Variants in GLDN observed in about 807,000 individuals in gnomAD.
GLDN encodes the protein gliomedin.
Under a neutral mutation model 56.5 loss-of-function variants are expected in GLDN, and 47 were observed. The ratio of observed to expected loss-of-function variants is 0.83; its 90% CI spans 0.66 to 1.06. The LOEUF (loss-of-function observed/expected upper bound fraction) is 1.06, where lower values mean the gene tolerates loss of function less well. Ranked by LOEUF, GLDN falls within the 50% of genes least tolerant of loss-of-function variation. GLDN has a pLI of 0.00. For synonymous variants in GLDN, 332 were observed against 278.8 expected (o/e 1.19, Z -1.90); for missense variants, 782 against 714.3 (o/e 1.09, Z -1.08).
At chr15:51,366,071 C>CT (rs1566939651) in intron 1 of GLDN, among the ~76,000 whole-genome samples, 1 of 152,194 alleles carries the variant, frequency 6.6e-6, no homozygotes, top group Admixed American at 6.5e-5. Flanking sequence ...ACAGATGCTT[C>CT]TTTTTTTATG....
In GLDN at chr15:51,394,963, A is replaced by T. The variant is rs1280955092; in HGVS notation, c.670A>T (p.Asn224Tyr). 6.2e-7 allele frequency: 1 copy of T among 1,603,406 alleles called. No individual in the cohort carries two copies. The highest frequency in any genetic ancestry group is 8.5e-7 in the Non-Finnish European group (1 of 1,176,030). The change falls in exon 5 of 10, where the codon AAC becomes TAC. Residue 224 changes from asparagine to tyrosine, a missense_variant. Transcript: ENST00000335449. ...GEKGDKGDVS[N>Y]DVLLAGAKGD... is the part of the protein sequence containing the mutation. ...AAAGGGTGACAAAGGAGATGTGTCC[A>T]ACGACGTGCTCCTGGCAGGTAAGAG...
intron 4 of GLDN, among the ~76,000 whole-genome samples, chr15:51,388,343 A>C (rs1315566120): frequency 6.6e-6 from 1 of 151,950 alleles, no homozygotes; most frequent in Non-Finnish European, 1.5e-5. Flanking sequence ...CTATTGCGCT[A>C]ATGGTGTGAC....
chr15:51,401,812 A>G (rs1049239395), intron 9 of GLDN, 69 bp downstream of exon 9: 4 of 1,417,318 alleles, frequency 2.8e-6, no homozygotes, highest in African/African-American at 2.8e-5. Flanking sequence ...TTTGTGAGCA[A>G]TTAGGGGTAG....
intron 1 of GLDN, among the ~76,000 whole-genome samples, chr15:51,343,183 A>C (rs2445768): frequency 0.3 from 45,657 of 152,136 alleles, 8,814 homozygotes; most frequent in African/African-American, 0.53. Flanking sequence ...CTTTTAAATA[A>C]CTTACATGAG....
In GLDN at chr15:51,407,233, T is replaced by A. The variant is rs538355120; in HGVS notation, c.*2479T>A. ...GAGTTTGATCAGTGTTTAATCGCAG[T>A]GGGTAATCTTATCTGATTGTCTTTA... On this transcript the variant is annotated 3_prime_UTR_variant, in exon 10 of 10. Coordinates refer to ENST00000335449, the MANE Select transcript of GLDN (RefSeq NM_181789.4). 5.9e-4 allele frequency: 90 copies of A among 152,218 alleles called. No homozygotes were observed. Among genetic ancestry groups the A allele is most frequent in the Admixed American group, 2.2e-3 (33 of 15,282 alleles). 9.4% of individuals were successfully genotyped at this position (152,218 alleles called of 1,614,324 possible). A position where few individuals can be genotyped will look rare whatever the true frequency, so the allele number is the denominator to read the frequency against.
chr15:51,344,499 C>T (rs996929716), intron 1 of GLDN, among the ~76,000 whole-genome samples: 2 of 152,102 alleles, frequency 1.3e-5, no homozygotes, highest in Admixed American at 1.3e-4. Context: ...TAAAAAACAT[C>T]ATTTGGTAGC....
At chr15:51,345,504 A>G (rs1166458543) in intron 1 of GLDN, among the ~76,000 whole-genome samples, 1 of 152,374 alleles carries the variant, frequency 6.6e-6, no homozygotes, top group African/African-American at 2.4e-5. Context: ...ATATGATTCC[A>G]TAATAGTCAA....
chr15:51,350,927 G>T (rs2470163), intron 1 of GLDN, among the ~76,000 whole-genome samples: 1 of 152,100 alleles, frequency 6.6e-6, no homozygotes, highest in African/African-American at 2.4e-5. Context: ...CTCTTTCTAT[G>T]CAAAGCAGCA....
chr15:51,397,534 G>GC lies in GLDN; in HGVS notation c.758dup (p.Gly254TrpfsTer21). ...CCCCAGGCCCTCCAGGTCCTCCAGG[G>GC]CCCCCTGGAAGCAGAAGAGCCAAAG... On this transcript the variant is annotated frameshift_variant, in exon 6 of 10. Coordinates refer to ENST00000335449, the MANE Select transcript of GLDN (RefSeq NM_181789.4). LOFTEE classifies it high-confidence loss of function. 6.3e-7 allele frequency: 1 copy of GC among 1,599,416 alleles called. No homozygotes were observed.
intron 2 of GLDN, among the ~76,000 whole-genome samples, chr15:51,381,054 G>A (rs1469854801): frequency 6.6e-6 from 1 of 152,176 alleles, no homozygotes; most frequent in African/African-American, 2.4e-5. Context: ...GGCATTGCAG[G>A]CGATTCTGTG....
chr15:51,353,882 A>G (rs1017943344), intron 1 of GLDN, among the ~76,000 whole-genome samples: 1 of 152,150 alleles, frequency 6.6e-6, no homozygotes, highest in Non-Finnish European at 1.5e-5. Context: ...CATTTTATCT[A>G]CAGACTAAAG....
At chr15:51,373,669 C>T (rs1033289483) in intron 1 of GLDN, among the ~76,000 whole-genome samples, 1 of 152,152 alleles carries the variant, frequency 6.6e-6, no homozygotes, top group Admixed American at 6.5e-5. Flanking sequence ...CCAAGACCAG[C>T]GACGAGGCCA....
At chr15:51,399,510 T>A (rs2038204643) in intron 6 of GLDN, among the ~76,000 whole-genome samples, 1 of 152,178 alleles carries the variant, frequency 6.6e-6, no homozygotes, top group African/African-American at 2.4e-5. Flanking sequence ...GGGACACTGA[T>A]AACCTGAGGA....
At chr15:51,410,089 G>C (rs2038449935), downstream of GLDN, among the ~76,000 whole-genome samples, 1 of 152,184 alleles carries the variant, frequency 6.6e-6, no homozygotes, top group African/African-American at 2.4e-5. Context: ...CAGTGCTTTA[G>C]AAACATCAAA....
chr15:51,387,082 G>C (rs2037913395), intron 4 of GLDN, among the ~76,000 whole-genome samples: 2 of 152,076 alleles, frequency 1.3e-5, no homozygotes, highest in Admixed American at 6.5e-5. Flanking sequence ...CTTAGGGAGA[G>C]AGCTTGGCAG....
At chr15:51,378,491 C>T (rs1019229947) in intron 2 of GLDN, among the ~76,000 whole-genome samples, 3 of 152,072 alleles carry the variant, frequency 2.0e-5, no homozygotes, top group African/African-American at 7.2e-5. Context: ...GGCACAAAAG[C>T]CTGTTGAGAG....
chr15:51,383,429 G>A lies in GLDN; in HGVS notation c.416-7G>A, dbSNP rs371796647. ...GGTTTCTCAACTAAATTTTTTTTCC[G>A]TTGTAGGACCTTCTGGACCACCAGG... On this transcript the variant is annotated splice_region_variant and splice_polypyrimidine_tract_variant and intron_variant, in intron 2 of 9. Transcript: ENST00000335449. The A allele has an allele frequency of 4.8e-5, 77 of 1,613,892 alleles. No individual in the cohort carries two copies. Among genetic ancestry groups the A allele is most frequent in the South Asian group, 1.5e-4 (14 of 91,064 alleles).
Position 51,394,954 on chromosome 15 carries a change from G to T in GLDN, c.661G>T (p.Asp221Tyr), listed in dbSNP as rs2038095103. ...GQKGEKGDKG[D>Y]VSNDVLLAGA... Reference sequence around the variant, plus strand: ...GAAGGGAGAAAAGGGTGACAAAGGAGATGTGTCCAACGACGTGCTCCTGGC... The same window carrying T: ...GAAGGGAGAAAAGGGTGACAAAGGATATGTGTCCAACGACGTGCTCCTGGC... The change falls in exon 5 of 10, where the codon GAT becomes TAT. Residue 221 changes from aspartate to tyrosine, a missense_variant. Coordinates refer to ENST00000335449, the MANE Select transcript of GLDN (RefSeq NM_181789.4). 6.2e-7 allele frequency: 1 copy of T among 1,609,148 alleles called. No individual in the cohort carries two copies. The highest frequency in any genetic ancestry group is 1.3e-5 in the African/African-American group (1 of 74,764).
In GLDN at chr15:51,405,699, G is replaced by C. The variant is rs1436480603; in HGVS notation, c.*945G>C. The C allele has an allele frequency of 2.0e-5, 3 of 152,180 alleles. No individual in the cohort carries two copies. Among genetic ancestry groups the C allele is most frequent in the Non-Finnish European group, 4.4e-5 (3 of 68,026 alleles). 9.4% of individuals were successfully genotyped at this position (152,180 alleles called of 1,614,324 possible). A position where few individuals can be genotyped will look rare whatever the true frequency, so the allele number is the denominator to read the frequency against. On this transcript the variant is annotated 3_prime_UTR_variant, in exon 10 of 10. Transcript: ENST00000335449. ...ATCCACTATCAAAGTACTAAATGCTGTGTAAGTAGACGTTAATCTGGCTGG... is the reference window on the plus strand; with the variant it reads ...ATCCACTATCAAAGTACTAAATGCTCTGTAAGTAGACGTTAATCTGGCTGG...
Sources: gnomAD v4.1 joint callset for allele counts (sites outside exome capture counted in the v4.1 genomes callset) on GRCh38, gnomAD v4.1.1 for gene constraint, MANE v1.5 for transcripts, NCBI Gene and HGNC (gene_info 2026-07-23, HGNC 2026-07-21) for gene names.